Variants in TNKS observed in about 807,000 individuals in gnomAD.
TNKS encodes the protein tankyrase, also known as poly [ADP-ribose] polymerase tankyrase-1.
TNKS carries 72 observed loss-of-function variants against 135.8 expected under a neutral mutation model. The ratio of observed to expected loss-of-function variants is 0.53; its 90% CI spans 0.44 to 0.64. The LOEUF (loss-of-function observed/expected upper bound fraction) is 0.64, where lower values mean the gene tolerates loss of function less well. Among genes scored for constraint, TNKS ranks in the 30% least tolerant of loss-of-function variants. TNKS has a pLI of 0.00. For synonymous variants in TNKS, 849 were observed against 649.3 expected, an observed-to-expected ratio of 1.31 and a Z score of -4.68; for missense variants, 1,769 against 1,674.0, an observed-to-expected ratio of 1.06 and a Z score of -0.99.
At chr8:9,676,712 T>G (rs11249935) in intron 3 of TNKS, among the ~76,000 whole-genome samples, 14 of 68,438 alleles carry the variant, frequency 2.0e-4, no homozygotes, top group East Asian at 3.5e-4. Flanking sequence ...GTGTGTGTGT[T>G]TGTGTGTGTG....
Position 9,677,737 on chromosome 8 carries a change from G to C in TNKS, c.995-2214G>C. 1.3e-5 allele frequency among the ~76,000 whole-genome samples: 2 copies of C among 152,120 alleles called. 1 individual carries two copies. The highest frequency in any genetic ancestry group is 2.9e-5 in the Non-Finnish European group (2 of 68,006). Reference sequence around the variant, plus strand: ...GCAGTATTTTCTCATTACTTTCAAAGTAAAGTTCAAACTTCTTAGCTTAGA... The same window carrying C: ...GCAGTATTTTCTCATTACTTTCAAACTAAAGTTCAAACTTCTTAGCTTAGA... On this transcript the variant is annotated intron_variant, in intron 3 of 26. Transcript: ENST00000310430.
At chr8:9,705,289 T>C (rs973479039) in intron 6 of TNKS, among the ~76,000 whole-genome samples, 18 of 152,216 alleles carry the variant, frequency 1.2e-4, no homozygotes, top group Non-Finnish European at 1.9e-4. Flanking sequence ...TTGAAAACTT[T>C]GTATCAGTTT....
rs371490505 is a variant in TNKS, at chr8:9,603,214, A to G, written c.899-12368A>G. ...ATTACAGGTGCACGCCACCACACCC[A>G]GCTACTTTTTTTATTTTGGGTAGAG... On this transcript the variant is annotated intron_variant, in intron 2 of 26. Coordinates refer to ENST00000310430, the MANE Select transcript of TNKS (RefSeq NM_003747.3). Among the ~76,000 whole-genome samples, 7 of 151,906 alleles carry G rather than the reference A, an allele frequency of 4.6e-5. No homozygotes were observed. The East Asian group carries it at 1.2e-3, about 25-fold the overall frequency.
intron 1 of TNKS, among the ~76,000 whole-genome samples, chr8:9,572,010 T>C (rs1277846368): frequency 2.0e-5 from 3 of 152,178 alleles, no homozygotes; most frequent in Non-Finnish European, 4.4e-5. Flanking sequence ...TGTAACCCTA[T>C]ATTGTAATTA....
At chr8:9,657,271 C>T (rs1445233644) in intron 3 of TNKS, among the ~76,000 whole-genome samples, 6 of 109,970 alleles carry the variant, frequency 5.5e-5, no homozygotes, top group South Asian at 3.3e-4. Flanking sequence ...ACCTCCCTCC[C>T]GGACGGGGCG....
At chr8:9,573,921 G>A (rs1040670113) in intron 1 of TNKS, among the ~76,000 whole-genome samples, 2 of 152,078 alleles carry the variant, frequency 1.3e-5, no homozygotes, top group African/African-American at 4.8e-5. Context: ...TTTAATATTG[G>A]CCATCGTTCC....
intron 3 of TNKS, among the ~76,000 whole-genome samples, chr8:9,676,751 A>G (rs943087822): frequency 1.3e-5 from 2 of 149,890 alleles, no homozygotes; most frequent in African/African-American, 5.0e-5. Context: ...TCATATCATT[A>G]CTATTTTACC....
chr8:9,735,551 A>C (rs954068434), intron 17 of TNKS, 65 bp downstream of exon 17: 1 of 1,320,188 alleles, frequency 7.6e-7, no homozygotes, highest in African/African-American at 1.5e-5. Context: ...CTGTAATCCC[A>C]GCACTTTAGG....
At chr8:9,602,087 A>G (rs1204209401) in intron 2 of TNKS, among the ~76,000 whole-genome samples, 1 of 152,064 alleles carries the variant, frequency 6.6e-6, no homozygotes, top group African/African-American at 2.4e-5. Context: ...GGGGAGTGTT[A>G]ATGGCATCCA....
chr8:9,679,873 T>C, intron 3 of TNKS, 78 bp from the exon 4 acceptor site: 1 of 1,184,392 alleles, frequency 8.4e-7, no homozygotes. Flanking sequence ...TCTATTTAAT[T>C]CTCTATTTGC....
rs1204895063 is a variant in TNKS, at chr8:9,736,350, T to TAA, written c.2643+887_2643+888dup. ...CTGATCAACATAGTGAGACCTCATC[T>TAA]AAAAAAAAAAAAAAAAAAAAAAAAT... On this transcript the variant is annotated intron_variant, in intron 17 of 26. Transcript: ENST00000310430. Among the ~76,000 whole-genome samples the TAA allele has an allele frequency of 1.9e-3, 170 of 87,414 alleles. 2 individuals are homozygous for TAA. Among genetic ancestry groups the TAA allele is most frequent in the African/African-American group, 4.6e-3 (109 of 23,754 alleles). The allele number at this position is 87,414 out of a possible 152,430, so 57.3% of individuals were successfully genotyped here. A position where few individuals can be genotyped will look rare whatever the true frequency, so the allele number is the denominator to read the frequency against.
chr8:9,751,875 T>A, intron 19 of TNKS, 29 bp downstream of exon 19: 1 of 1,599,158 alleles, frequency 6.3e-7, no homozygotes, highest in Non-Finnish European at 8.6e-7. Flanking sequence ...TGCTTATTTA[T>A]TTATACCTTT....
chr8:9,730,139 G>A (rs1296175180), intron 13 of TNKS, among the ~76,000 whole-genome samples: 2 of 152,096 alleles, frequency 1.3e-5, no homozygotes, highest in African/African-American at 4.8e-5. Flanking sequence ...TACCACCAGT[G>A]ATACAGTCTT....
intron 1 of TNKS, among the ~76,000 whole-genome samples, chr8:9,565,516 G>A (rs887853066): frequency 2.0e-5 from 3 of 152,086 alleles, no homozygotes; most frequent in Non-Finnish European, 4.4e-5. Context: ...TAAATTTACT[G>A]ATTGACTCAA....
intron 26 of TNKS, among the ~76,000 whole-genome samples, chr8:9,774,049 C>A (rs1404465411): frequency 6.6e-6 from 1 of 151,874 alleles, no homozygotes; most frequent in East Asian, 1.9e-4. Context: ...ATGTTTCTTT[C>A]TTGAAGATTG....
chr8:9,641,073 C>G (rs1471048063), intron 3 of TNKS, among the ~76,000 whole-genome samples: 1 of 145,986 alleles, frequency 6.8e-6, no homozygotes, highest in Non-Finnish European at 1.5e-5. Flanking sequence ...CCACTGTTCT[C>G]CATGGTGTGT....
chr8:9,579,189 G>C (rs1489131909), intron 1 of TNKS, among the ~76,000 whole-genome samples: 1 of 152,062 alleles, frequency 6.6e-6, no homozygotes, highest in Non-Finnish European at 1.5e-5. Context: ...ATATTCCCAA[G>C]TGCTTGTATT....
chr8:9,733,892 A>G (rs1308126593), intron 15 of TNKS, among the ~76,000 whole-genome samples: 2 of 152,198 alleles, frequency 1.3e-5, no homozygotes, highest in African/African-American at 2.4e-5. Context: ...TTAAAACATA[A>G]GATGATCTCT....
chr8:9,652,729 A>C (rs928262692), intron 3 of TNKS, among the ~76,000 whole-genome samples: 9 of 152,208 alleles, frequency 5.9e-5, no homozygotes, highest in African/African-American at 2.2e-4. Context: ...GATTTGAATC[A>C]CATTATTATC....
Sources: allele counts gnomAD v4.1 joint callset (sites outside exome capture counted in the v4.1 genomes callset), GRCh38; gene constraint gnomAD v4.1.1; transcripts MANE v1.5; gene names NCBI Gene and HGNC (gene_info 2026-07-23, HGNC 2026-07-21).